The following CELF2 variants were observed in gnomAD, a reference collection of about 807,000 sequenced individuals.
CELF2 encodes CUG triplet repeat RNA-binding protein 2.
In CELF2, 8 loss-of-function variants were observed where a neutral mutation model predicts 62.6. The ratio of observed to expected loss-of-function variants is 0.13; its 90% CI spans 0.07 to 0.23. The LOEUF (loss-of-function observed/expected upper bound fraction) is 0.23, where lower values mean the gene tolerates loss of function less well. Among genes scored for constraint, CELF2 ranks in the 10% least tolerant of loss-of-function variants. CELF2 has a pLI of 1.00. For missense variants in CELF2, 333 were observed against 671.0 expected (o/e 0.50, Z 5.56); for synonymous variants, 258 against 250.0 (o/e 1.03, Z -0.30).
chr10:11,017,695 CG>C (rs1292454443), upstream of CELF2, among the ~76,000 whole-genome samples: 2 of 152,008 alleles, frequency 1.3e-5, no homozygotes, highest in Non-Finnish European at 2.9e-5. This position sits in a 1 kb window ranked among gnomAD's most constrained non-coding sequence, Gnocchi z 5.5. Flanking sequence ...CAGAGCCAGG[CG>C]GGGAGCGGGT....
In CELF2 at chr10:11,145,994, G is replaced by T. The variant is rs1002036504; in HGVS notation, c.75-19492G>T. Among the ~76,000 whole-genome samples the T allele has an allele frequency of 6.6e-6, 1 of 151,988 alleles. No homozygotes were observed. Among genetic ancestry groups the T allele is most frequent in the Non-Finnish European group, 1.5e-5 (1 of 68,000 alleles). On this transcript the variant is annotated intron_variant, in intron 1 of 12. Transcript: ENST00000633077. The surrounding 1 kb of genome is among the most constrained non-coding windows in gnomAD (Gnocchi z 4.3). ...GTACTCTCCTCTGGTACTTTTAGAC[G>T]GTGTAAAACATTTCACTAAATCCTT...
At chr10:10,562,562 C>A in the CELF2 span, among the ~76,000 whole-genome samples, 44 of 152,302 alleles carry the variant, frequency 2.9e-4, no homozygotes, top group African/African-American at 1.0e-3. Flanking sequence ...AGCAGCCCGG[C>A]TCCGGAGCGT....
the CELF2 span, among the ~76,000 whole-genome samples, chr10:10,568,588 A>G: frequency 6.6e-6 from 1 of 152,154 alleles, no homozygotes; most frequent in African/African-American, 2.4e-5. Context: ...GCAGATCTGA[A>G]GTTGACTTTG....
At chr10:10,663,835 A>G in the CELF2 span, among the ~76,000 whole-genome samples, 1 of 152,252 alleles carries the variant, frequency 6.6e-6, no homozygotes, top group South Asian at 2.1e-4. Context: ...ATGTAATTAA[A>G]GCCCAAATAG....
chr10:10,561,734 C>A, the CELF2 span, among the ~76,000 whole-genome samples: 1 of 152,142 alleles, frequency 6.6e-6, no homozygotes, highest in African/African-American at 2.4e-5. Flanking sequence ...TCTCAATCCT[C>A]CCTTTCCTTT....
chr10:10,628,806 T>C, the CELF2 span, among the ~76,000 whole-genome samples: 1 of 152,164 alleles, frequency 6.6e-6, no homozygotes. Context: ...ATTGTGCACA[T>C]GTACCCTAGA....
At chr10:11,144,726 G>C (rs115836902) in intron 1 of CELF2, among the ~76,000 whole-genome samples, 8,492 of 151,632 alleles carry the variant, frequency 0.056, 287 homozygotes, top group African/African-American at 0.087. Context: ...GACCCCATCT[G>C]TACAAAACAT....
chr10:11,051,365 T>A (rs2063885640), intron 1 of CELF2, among the ~76,000 whole-genome samples: 1 of 152,228 alleles, frequency 6.6e-6, no homozygotes, highest in South Asian at 2.1e-4. Flanking sequence ...CTCTTTTGAT[T>A]ATCCACCTAT....
chr10:11,216,985 C>T (rs11592621), intron 2 of CELF2, among the ~76,000 whole-genome samples: 14,388 of 152,308 alleles, frequency 0.094, 678 homozygotes, highest in Middle Eastern at 0.14. Flanking sequence ...ATCCAGTTGT[C>T]TGAAGCTTTG....
At chr10:10,826,833 T>A (rs1240910212) in intron 1 of CELF2, among the ~76,000 whole-genome samples, 1 of 152,244 alleles carries the variant, frequency 6.6e-6, no homozygotes, top group Non-Finnish European at 1.5e-5. Context: ...TGCAAAGTAA[T>A]CAAGAGAAGC....
At chr10:10,829,607 G>A (rs2057683489) in intron 1 of CELF2, among the ~76,000 whole-genome samples, 2 of 152,188 alleles carry the variant, frequency 1.3e-5, no homozygotes, top group Non-Finnish European at 2.9e-5. Flanking sequence ...CAAGGGAATT[G>A]ATCTGTCACA....
intron 1 of CELF2, among the ~76,000 whole-genome samples, chr10:11,066,554 C>T (rs1244901114): frequency 1.3e-5 from 2 of 152,164 alleles, no homozygotes; most frequent in Non-Finnish European, 2.9e-5. Context: ...CACTCATGCC[C>T]TCCCACCCTA....
intron 1 of CELF2, among the ~76,000 whole-genome samples, chr10:10,872,561 A>G (rs1338929385): frequency 6.6e-6 from 1 of 152,190 alleles, no homozygotes; most frequent in Non-Finnish European, 1.5e-5. Context: ...CTTGGAGAAA[A>G]CCAGATAAGG....
At chr10:11,287,953 C>G (rs1256625016) in intron 8 of CELF2, among the ~76,000 whole-genome samples, 8 of 152,218 alleles carry the variant, frequency 5.3e-5, no homozygotes. Flanking sequence ...TTTTGAGGGA[C>G]TGAGTTTACC....
chr10:10,884,129 G>T (rs1420504814), intron 1 of CELF2, among the ~76,000 whole-genome samples: 1 of 152,134 alleles, frequency 6.6e-6, no homozygotes, highest in East Asian at 1.9e-4. Flanking sequence ...CATTGTAAAT[G>T]GAAAGAAAAA....
intron 1 of CELF2, among the ~76,000 whole-genome samples, chr10:10,811,540 C>A (rs900744657): frequency 1.3e-5 from 2 of 152,062 alleles, no homozygotes; most frequent in Non-Finnish European, 1.5e-5. Flanking sequence ...CTTTCAGGTT[C>A]TTCAGAAAGA....
intron 5 of CELF2, among the ~76,000 whole-genome samples, chr10:11,265,342 T>G (rs142877956): frequency 4.5e-4 from 69 of 152,340 alleles, no homozygotes; most frequent in African/African-American, 1.6e-3. Context: ...ATCTGCTTCA[T>G]TTGGAAATCT....
the CELF2 span, among the ~76,000 whole-genome samples, chr10:10,711,478 G>T: frequency 1.3e-5 from 2 of 152,314 alleles, no homozygotes; most frequent in East Asian, 3.9e-4. Context: ...TCATTGTCCA[G>T]TCTCCAAAGT....
chr10:10,970,064 T>TATTC (rs2050599752), intron 2 of CELF2, among the ~76,000 whole-genome samples: 2 of 152,014 alleles, frequency 1.3e-5, no homozygotes, highest in South Asian at 4.1e-4. Context: ...GTGATGTATT[T>TATTC]ATTTATTTAT....
Sources: gnomAD v4.1 joint callset for allele counts (sites outside exome capture counted in the v4.1 genomes callset) on GRCh38, gnomAD v4.1.1 for gene constraint, Gnocchi (gnomAD v3.1) non-coding constraint, MANE v1.5 for transcripts, NCBI Gene and HGNC (gene_info 2026-07-23, HGNC 2026-07-21) for gene names.